The following SYCP2L variants were observed in gnomAD, a reference collection of about 807,000 sequenced individuals.
The protein encoded by SYCP2L is synaptonemal complex protein 2-like.
SYCP2L carries 98 observed loss-of-function variants against 125.8 expected under a neutral mutation model. The ratio of observed to expected loss-of-function variants is 0.78; its 90% confidence interval spans 0.66 to 0.92. The LOEUF (loss-of-function observed/expected upper bound fraction) is 0.92. Among genes scored for constraint, SYCP2L ranks in the 40% least tolerant of loss-of-function variants. SYCP2L has a pLI of 0.00. For synonymous variants in SYCP2L, 317 were observed against 325.4 expected (o/e 0.97, Z 0.28); for missense variants, 842 against 936.4 (o/e 0.90, Z 1.32).
At chr6:10,934,520 A>G (rs1323035413) in intron 20 of SYCP2L, among the ~76,000 whole-genome samples, 1 of 152,200 alleles carries the variant, frequency 6.6e-6, no homozygotes, top group East Asian at 1.9e-4. Flanking sequence ...CTCTAATAAA[A>G]TACAAAAAAA....
intron 23 of SYCP2L, among the ~76,000 whole-genome samples, chr6:10,952,719 A>G (rs755606259): frequency 3.7e-4 from 56 of 152,164 alleles, no homozygotes; most frequent in Non-Finnish European, 6.9e-4. Flanking sequence ...TGCGGTATAG[A>G]CACCACAGAA....
chr6:10,926,970 G>A (rs1215208583), intron 16 of SYCP2L, among the ~76,000 whole-genome samples: 13 of 152,014 alleles, frequency 8.6e-5, no homozygotes, highest in African/African-American at 2.9e-4. Context: ...CAGCAGAGAC[G>A]GGATTTTGCC....
At chr6:10,934,970 T>G in intron 20 of SYCP2L, 88 bp from the exon 21 acceptor site, 1 of 1,214,120 alleles carries the variant, frequency 8.2e-7, no homozygotes, top group Non-Finnish European at 1.1e-6. Flanking sequence ...TTAAGCTTCT[T>G]AAAGTAATAT....
chr6:10,893,823 A>T (rs766848478), intron 2 of SYCP2L, 44 bp from the exon 3 acceptor site: 12 of 1,589,324 alleles, frequency 7.6e-6, no homozygotes, highest in Non-Finnish European at 9.4e-6. Flanking sequence ...TATAAAATAA[A>T]TGTTCTTGGG....
At chr6:10,937,625 A>G (rs74967972) in intron 21 of SYCP2L, among the ~76,000 whole-genome samples, 2,407 of 152,294 alleles carry the variant, frequency 0.016, 62 homozygotes, top group African/African-American at 0.054. Context: ...GAAATGTTCA[A>G]TGAAACTAAG....
intron 24 of SYCP2L, 131 bp from the exon 25 acceptor site, chr6:10,956,005 G>A (rs1781497531): frequency 3.0e-6 from 2 of 671,870 alleles, no homozygotes; most frequent in Admixed American, 2.6e-5. Flanking sequence ...TCATGTCCAG[G>A]CAGTCAGCGG....
At position 10,955,163 on chromosome 6, in the gene SYCP2L, G is replaced by T. The variant is rs1165552749; in HGVS notation, c.2002G>T (p.Glu668Ter). ...TAAGTCACAACAATCAAGATTGGAA[G>T]AAGAGGTTGCTCCGGGATCCCCTTT... ...FAKSQQSRLE[E>*]EVAPGSPFSI... Residue 668 changes from glutamate to a stop codon, truncating the protein, a stop_gained, in exon 24 of 30, where the codon GAA (glutamate) becomes TAA (stop). Transcript: ENST00000283141. LOFTEE classifies it high-confidence loss of function. 1 of 1,613,702 alleles carries T rather than the reference G, an allele frequency of 6.2e-7. No homozygotes were observed. Among genetic ancestry groups the T allele is most frequent in the Admixed American group, 1.7e-5 (1 of 60,018 alleles).
At chr6:10,898,423 G>A (rs1421216726) in intron 5 of SYCP2L, among the ~76,000 whole-genome samples, 1 of 152,174 alleles carries the variant, frequency 6.6e-6, no homozygotes, top group Non-Finnish European at 1.5e-5. Context: ...TGAGGCAGGA[G>A]AATCGCTTGA....
intron 23 of SYCP2L, among the ~76,000 whole-genome samples, chr6:10,951,923 C>T (rs772657294): frequency 4.6e-5 from 7 of 152,174 alleles, no homozygotes; most frequent in African/African-American, 1.2e-4. Context: ...TGTGCCCAGT[C>T]GGCTACCCAA....
chr6:10,909,422 C>T (rs1051705574), intron 10 of SYCP2L, among the ~76,000 whole-genome samples: 4 of 152,164 alleles, frequency 2.6e-5, no homozygotes, highest in African/African-American at 7.2e-5. Flanking sequence ...GCCACCACGT[C>T]CGGCCCGAAT....
chr6:10,925,451 T>C (rs1780880880), intron 15 of SYCP2L, among the ~76,000 whole-genome samples: 1 of 152,206 alleles, frequency 6.6e-6, no homozygotes, highest in South Asian at 2.1e-4. Context: ...TGCTGTGGTC[T>C]CCAACTCTCT....
At chr6:10,891,370 A>G (rs556661259) in intron 1 of SYCP2L, 143 bp from the exon 2 acceptor site, 4 of 640,376 alleles carry the variant, frequency 6.2e-6, no homozygotes, top group African/African-American at 1.9e-5. Context: ...TAGACCTATA[A>G]TATGAGCAAA....
chr6:10,957,498 G>A (rs1262543108), intron 25 of SYCP2L, among the ~76,000 whole-genome samples: 4 of 152,140 alleles, frequency 2.6e-5, no homozygotes, highest in Admixed American at 6.5e-5. Context: ...GGAGGGGAAG[G>A]ATGGAACCAA....
rs542076630 is a variant in SYCP2L, at chr6:10,910,086, G to A, written c.820-62G>A. On this transcript the variant is annotated intron_variant, in intron 10 of 29. Coordinates refer to ENST00000283141, the MANE Select transcript of SYCP2L (RefSeq NM_001040274.3). ...CAAACACTGGCCTCTGTATGCTAAG[G>A]TAGTATTAACTAAGACATCTTGATT... 1.7e-4 allele frequency: 240 copies of A among 1,374,718 alleles called. 1 individual carries two copies. In the South Asian group the frequency reaches 2.7e-3, roughly 15 times the overall value. 85.2% of individuals were successfully genotyped at this position (1,374,718 alleles called of 1,614,324 possible). A position where few individuals can be genotyped will look rare whatever the true frequency, so the allele number is the denominator to read the frequency against.
At chr6:10,909,162 C>CT (rs1780560064) in intron 10 of SYCP2L, among the ~76,000 whole-genome samples, 2 of 93,362 alleles carry the variant, frequency 2.1e-5, no homozygotes. Flanking sequence ...TTCTTTCGGT[C>CT]TTGTTGGTCA....
chr6:10,919,009 G>T (rs1780740584), intron 14 of SYCP2L, among the ~76,000 whole-genome samples: 1 of 151,880 alleles, frequency 6.6e-6, no homozygotes, highest in Non-Finnish European at 1.5e-5. Context: ...CTTACATTGG[G>T]CTTCACCTTT....
chr6:10,929,376 C>T (rs909430066), intron 18 of SYCP2L, among the ~76,000 whole-genome samples: 2 of 152,080 alleles, frequency 1.3e-5, no homozygotes, highest in Non-Finnish European at 2.9e-5. Context: ...ATGCTACAGC[C>T]CCTTAAGAGG....
At chr6:10,916,086 A>G (rs1780688276) in intron 14 of SYCP2L, among the ~76,000 whole-genome samples, 1 of 152,108 alleles carries the variant, frequency 6.6e-6, no homozygotes, top group African/African-American at 2.4e-5. Context: ...CATCTCTTCT[A>G]GGTTTTCTAG....
At chr6:10,888,585 C>A (rs905076110) in intron 1 of SYCP2L, among the ~76,000 whole-genome samples, 63 of 152,060 alleles carry the variant, frequency 4.1e-4, no homozygotes, top group African/African-American at 1.4e-3. Context: ...GGAAGCATTT[C>A]TTTGGAATTT....
Sources: gnomAD v4.1 joint callset for allele counts (sites outside exome capture counted in the v4.1 genomes callset) on GRCh38, gnomAD v4.1.1 for gene constraint, MANE v1.5 for transcripts, NCBI Gene and HGNC (gene_info 2026-07-23, HGNC 2026-07-21) for gene names.